Variants in DLG1 observed in about 807,000 individuals in gnomAD.
DLG1 encodes disks large homolog 1.
In DLG1, 42 loss-of-function variants were observed where a neutral mutation model predicts 123.4. The ratio of observed to expected loss-of-function variants is 0.34; its 90% confidence interval spans 0.27 to 0.44. DLG1 has a LOEUF of 0.44. Among genes scored for constraint, DLG1 ranks in the 20% least tolerant of loss-of-function variants. The pLI is 1.00. For missense variants in DLG1, 942 were observed against 1,082.6 expected (o/e 0.87, Z 1.82); for synonymous variants, 317 against 356.2 (o/e 0.89, Z 1.24).
At chr3:197,143,417 C>T (rs1056075951) in intron 6 of DLG1, among the ~76,000 whole-genome samples, 5 of 151,944 alleles carry the variant, frequency 3.3e-5, no homozygotes, top group Non-Finnish European at 5.9e-5. Flanking sequence ...CCACCACGCC[C>T]GGCTAATTTT....
intron 4 of DLG1, among the ~76,000 whole-genome samples, chr3:197,218,974 T>C (rs1578224594): frequency 6.6e-6 from 1 of 151,762 alleles, no homozygotes; most frequent in African/African-American, 2.4e-5. Context: ...CTAGTAAAAA[T>C]ACAAAATTAG....
At chr3:197,224,412 T>G (rs1376788626) in intron 4 of DLG1, among the ~76,000 whole-genome samples, 1 of 152,198 alleles carries the variant, frequency 6.6e-6, no homozygotes, top group Non-Finnish European at 1.5e-5. Flanking sequence ...ATTAGCTTTA[T>G]AAAAATATTC....
rs1415691096 is a variant in DLG1 at position 197,211,000 on chromosome 3, CAAGGT to C, written c.319-16416_319-16412del. Among the ~76,000 whole-genome samples, 2 of 145,914 alleles carry C rather than the reference CAAGGT, an allele frequency of 1.4e-5. 1 individual carries two copies. The highest frequency in any genetic ancestry group is 3.1e-5 in the Non-Finnish European group (2 of 65,080). On this transcript the variant is annotated intron_variant, in intron 4 of 24. Transcript: ENST00000667157. ...CCAAATATGATTTATTTCAACAAGG[CAAGGT>C]TAGTTTAACATCTAAAAAATAAATT...
At chr3:197,062,243 C>T (rs986506730) in intron 22 of DLG1, among the ~76,000 whole-genome samples, 2 of 152,180 alleles carry the variant, frequency 1.3e-5, no homozygotes, top group East Asian at 1.9e-4. Context: ...ACTCTACAGT[C>T]GGACAAAATC....
chr3:197,284,223 T>A (rs1338553579), intron 3 of DLG1, among the ~76,000 whole-genome samples: 1 of 152,086 alleles, frequency 6.6e-6, no homozygotes, highest in Non-Finnish European at 1.5e-5. Flanking sequence ...TGGTAAAAAC[T>A]AACACTTGTA....
chr3:197,128,234 A>C (rs1220419908), intron 11 of DLG1, among the ~76,000 whole-genome samples: 2 of 152,212 alleles, frequency 1.3e-5, no homozygotes, highest in Non-Finnish European at 2.9e-5. Context: ...GTAATATCCC[A>C]AAATCCTTTG....
At chr3:197,117,369 C>G (rs909406205) in intron 12 of DLG1, among the ~76,000 whole-genome samples, 4 of 152,148 alleles carry the variant, frequency 2.6e-5, no homozygotes, top group African/African-American at 9.7e-5. Context: ...GTGATTTGGA[C>G]AGATACTTGC....
rs1381653567 is a variant in DLG1, at chr3:197,044,197, T to C, written c.*426A>G. ...TGAGAGTAATACACTGGCCAAACCA[T>C]GCTATTAAACTGAAGCGTGCACAGT... On this transcript the variant is annotated 3_prime_UTR_variant, in exon 25 of 25. Coordinates refer to ENST00000667157, the MANE Select transcript of DLG1 (RefSeq NM_001366207.1). 6.5e-6 allele frequency: 1 copy of C among 153,064 alleles called. No individual in the cohort carries two copies. The highest frequency in any genetic ancestry group is 2.4e-5 in the African/African-American group (1 of 41,496). 9.5% of individuals were successfully genotyped at this position (153,064 alleles called of 1,614,324 possible).
chr3:197,191,009 C>CAAACAAAACA (rs537538638), intron 5 of DLG1, among the ~76,000 whole-genome samples: 1 of 152,064 alleles, frequency 6.6e-6, no homozygotes, highest in Non-Finnish European at 1.5e-5. Flanking sequence ...GACTTCAACT[C>CAAACAAAACA]AAACAAAACA....
chr3:197,140,624 T>A (rs1269994846), intron 7 of DLG1, among the ~76,000 whole-genome samples: 2 of 152,234 alleles, frequency 1.3e-5, no homozygotes, highest in Non-Finnish European at 1.5e-5. Flanking sequence ...GTAGGGCACA[T>A]CTCTCCTAAG....
At chr3:197,142,667 C>T in intron 7 of DLG1, 51 bp downstream of exon 7, 1 of 1,312,136 alleles carries the variant, frequency 7.6e-7, no homozygotes, top group Non-Finnish European at 1.1e-6. Context: ...TATGAAAAAG[C>T]AGTATATTAC....
At chr3:197,179,474 T>C (rs1808938834) in intron 5 of DLG1, among the ~76,000 whole-genome samples, 1 of 152,212 alleles carries the variant, frequency 6.6e-6, no homozygotes, top group Non-Finnish European at 1.5e-5. Flanking sequence ...GGATGGCTTG[T>C]ACTTACAAAT....
chr3:197,276,871 T>G (rs1766682925), intron 4 of DLG1, among the ~76,000 whole-genome samples: 1 of 152,012 alleles, frequency 6.6e-6, no homozygotes, highest in Admixed American at 6.6e-5. Context: ...AATCAAAATT[T>G]TTATTTTTTT....
At chr3:197,212,056 C>T (rs932845048) in intron 4 of DLG1, among the ~76,000 whole-genome samples, 1 of 146,184 alleles carries the variant, frequency 6.8e-6, no homozygotes, top group South Asian at 2.6e-4. Flanking sequence ...CTGATGAACA[C>T]AAGAGAACAA....
intron 5 of DLG1, among the ~76,000 whole-genome samples, chr3:197,170,940 GAT>G (rs1315548100): frequency 7.9e-5 from 12 of 152,268 alleles, no homozygotes; most frequent in African/African-American, 2.9e-4. Context: ...GAGAAAATGA[GAT>G]ATATGAATTA....
At chr3:197,080,957 C>A (rs1365194677) in intron 17 of DLG1, 94 bp downstream of exon 17, 1 of 1,186,084 alleles carries the variant, frequency 8.4e-7, no homozygotes, top group South Asian at 1.4e-5. Flanking sequence ...ATGGCAAGAA[C>A]TGATCATGAA....
chr3:197,296,265 A>G (rs1372529039), intron 3 of DLG1, 81 bp downstream of exon 3: 2 of 1,379,812 alleles, frequency 1.4e-6, no homozygotes, highest in African/African-American at 2.9e-5. Context: ...TAAGTACATC[A>G]TTTTCTTAAG....
At chr3:197,260,687 C>T (rs531214259) in intron 4 of DLG1, among the ~76,000 whole-genome samples, 4 of 143,222 alleles carry the variant, frequency 2.8e-5, no homozygotes, top group South Asian at 2.2e-4. Flanking sequence ...GAGGTTCCCC[C>T]GATATAAATT....
At chr3:197,229,102 C>T (rs1350807757) in intron 4 of DLG1, among the ~76,000 whole-genome samples, 1 of 152,066 alleles carries the variant, frequency 6.6e-6, no homozygotes, top group Non-Finnish European at 1.5e-5. Flanking sequence ...AGGGATGCTA[C>T]TAAACATTTT....
Sources: gnomAD v4.1 joint callset for allele counts (sites outside exome capture counted in the v4.1 genomes callset) on GRCh38, gnomAD v4.1.1 for gene constraint, MANE v1.5 for transcripts, NCBI Gene and HGNC (gene_info 2026-07-23, HGNC 2026-07-21) for gene names.